The following ENPP6 variants were observed in gnomAD, a reference collection of about 807,000 sequenced individuals.
The protein encoded by ENPP6 is glycerophosphocholine cholinephosphodiesterase ENPP6.
Under a neutral mutation model 42.0 loss-of-function variants are expected in ENPP6, and 32 were observed. The observed-to-expected ratio is 0.76, with a 90% CI of 0.58 to 1.02. The LOEUF (loss-of-function observed/expected upper bound fraction) is 1.02. Among genes scored for constraint, ENPP6 ranks in the 50% least tolerant of loss-of-function variants. ENPP6 has a pLI of 0.00. For missense variants in ENPP6, 552 were observed against 566.8 expected (o/e 0.97, Z 0.27); for synonymous variants, 213 against 216.0 (o/e 0.99, Z 0.12).
chr4:184,139,370 T>C (rs1322055638), intron 2 of ENPP6, among the ~76,000 whole-genome samples: 6 of 151,864 alleles, frequency 4.0e-5, no homozygotes, highest in Non-Finnish European at 7.4e-5. Flanking sequence ...TTTATTATTA[T>C]TATACTTTAA....
chr4:184,194,716 G>T (rs976838483), intron 1 of ENPP6, among the ~76,000 whole-genome samples: 5 of 152,186 alleles, frequency 3.3e-5, no homozygotes, highest in African/African-American at 4.8e-5. Context: ...CGCCCTGCTT[G>T]GTGGCAGAAC....
chr4:184,139,557 C>A (rs1736786637), intron 2 of ENPP6, among the ~76,000 whole-genome samples: 1 of 141,988 alleles, frequency 7.0e-6, no homozygotes, highest in Admixed American at 7.2e-5. Flanking sequence ...CTTCCTGTGT[C>A]CATGTGTTGT....
intron 3 of ENPP6, among the ~76,000 whole-genome samples, chr4:184,121,669 T>C: frequency 6.6e-6 from 1 of 152,200 alleles, no homozygotes; most frequent in East Asian, 1.9e-4. Flanking sequence ...TAAGCCTACA[T>C]CTTTGCTAGA....
chr4:184,163,967 C>T (rs1299601982), intron 1 of ENPP6, among the ~76,000 whole-genome samples: 1 of 152,198 alleles, frequency 6.6e-6, no homozygotes, highest in African/African-American at 2.4e-5. Flanking sequence ...CAATGGAGCG[C>T]CGAGTCCAGA....
chr4:184,157,419 T>TTCTCTCGTTCTC (rs149313850), intron 1 of ENPP6, among the ~76,000 whole-genome samples: 11 of 150,658 alleles, frequency 7.3e-5, no homozygotes, highest in Non-Finnish European at 1.3e-4. Context: ...CTTTCTTTCT[T>TTCTCTCGTTCTC]TCTTTCTTTC....
At chr4:184,106,592 C>T (rs772206588) in intron 6 of ENPP6, among the ~76,000 whole-genome samples, 9 of 152,194 alleles carry the variant, frequency 5.9e-5, no homozygotes, top group Non-Finnish European at 1.3e-4. Flanking sequence ...GTTTCAGCCT[C>T]AAGCTCCCTT....
At chr4:184,132,049 C>T (rs1015534392) in intron 2 of ENPP6, among the ~76,000 whole-genome samples, 10 of 152,012 alleles carry the variant, frequency 6.6e-5, no homozygotes, top group Non-Finnish European at 1.5e-4. Context: ...AAGGAGTGAC[C>T]CCTTCCCTCC....
chr4:184,193,969 C>T (rs913203273), intron 1 of ENPP6, among the ~76,000 whole-genome samples: 6 of 152,268 alleles, frequency 3.9e-5, no homozygotes, highest in Admixed American at 6.5e-5. Flanking sequence ...ATTGCTTTGG[C>T]CTTGCTGAGA....
At chr4:184,148,250 C>A (rs889557849) in intron 2 of ENPP6, among the ~76,000 whole-genome samples, 2 of 152,090 alleles carry the variant, frequency 1.3e-5, no homozygotes, top group Non-Finnish European at 2.9e-5. Flanking sequence ...TTGAGTCACA[C>A]CCTTTAAAGA....
chr4:184,106,925 G>T (rs189724244), intron 6 of ENPP6, among the ~76,000 whole-genome samples: 3 of 152,194 alleles, frequency 2.0e-5, no homozygotes, highest in African/African-American at 7.2e-5. Context: ...ATGGAAGAGC[G>T]TGCTTGAGTC....
chr4:184,209,905 A>G (rs1427394993), intron 1 of ENPP6, among the ~76,000 whole-genome samples: 22 of 136,176 alleles, frequency 1.6e-4, no homozygotes, highest in African/African-American at 6.7e-4. Context: ...AAACCCTACA[A>G]GCCAGAAGAG....
chr4:184,182,858 G>A (rs1452398426), intron 1 of ENPP6, among the ~76,000 whole-genome samples: 1 of 152,162 alleles, frequency 6.6e-6, no homozygotes, highest in Admixed American at 6.5e-5. Context: ...GGCCTGTTGG[G>A]GAATGTAGAG....
intron 1 of ENPP6, among the ~76,000 whole-genome samples, chr4:184,157,883 G>A (rs1023612827): frequency 4.8e-4 from 71 of 149,188 alleles, no homozygotes; most frequent in African/African-American, 1.7e-3. Context: ...GTATCCCAAA[G>A]TGCTGGAATT....
intron 1 of ENPP6, 126 bp downstream of exon 1, chr4:184,217,453 A>G: frequency 1.9e-5 from 25 of 1,317,288 alleles, no homozygotes; most frequent in Non-Finnish European, 2.5e-5. Context: ...TTTTTTATCT[A>G]CCTTTGATGT....
At chr4:184,136,744 C>T (rs892719050) in intron 2 of ENPP6, among the ~76,000 whole-genome samples, 2 of 152,204 alleles carry the variant, frequency 1.3e-5, no homozygotes, top group African/African-American at 4.8e-5. Context: ...ACAATTTTCT[C>T]TGGCTTCTTT....
chr4:184,112,851 A>G, intron 5 of ENPP6, 42 bp from the exon 6 acceptor site: 2 of 1,554,076 alleles, frequency 1.3e-6, no homozygotes, highest in Non-Finnish European at 1.7e-6. Context: ...CACTCTCTTA[A>G]ATATGTGTGA....
At chr4:184,144,430 C>T (rs765604619) in intron 2 of ENPP6, among the ~76,000 whole-genome samples, 6 of 152,164 alleles carry the variant, frequency 3.9e-5, no homozygotes, top group Non-Finnish European at 1.5e-5. Context: ...CAGACAGCCC[C>T]AAACGGCAGC....
intron 1 of ENPP6, among the ~76,000 whole-genome samples, chr4:184,170,313 C>A (rs1285192951): frequency 6.6e-6 from 1 of 152,092 alleles, no homozygotes; most frequent in African/African-American, 2.4e-5. Flanking sequence ...ACCTGTAGTA[C>A]TAGCTGCTCA....
chr4:184,184,804 C>T lies in ENPP6; in HGVS notation c.242-31071G>A, dbSNP rs111581170. ...GACAGTCATAGAACAGATTCTCCCT[C>T]GGAGCACCGAGAAGGCAAAACCCTT... On this transcript the variant is annotated intron_variant, in intron 1 of 7. Transcript: ENST00000296741. This position sits in a 1 kb window ranked among gnomAD's most constrained non-coding sequence, Gnocchi z 4.7. Among the ~76,000 whole-genome samples the T allele has an allele frequency of 1.3e-3, 205 of 152,282 alleles. 1 individual carries two copies. The highest frequency in any genetic ancestry group is 4.6e-3 in the African/African-American group (192 of 41,554).
Sources: allele counts gnomAD v4.1 joint callset (sites outside exome capture counted in the v4.1 genomes callset), GRCh38; gene constraint gnomAD v4.1.1; non-coding constraint Gnocchi (gnomAD v3.1); transcripts MANE v1.5; gene names NCBI Gene and HGNC (gene_info 2026-07-23, HGNC 2026-07-21).